Variants in TRIM67 observed in about 807,000 individuals in gnomAD.
The protein encoded by TRIM67 is tripartite motif containing 67, also known as tripartite motif-containing protein 67.
In TRIM67, 39 loss-of-function variants were observed where a neutral mutation model predicts 71.0. That is an observed-to-expected ratio of 0.55 (90% CI 0.43 to 0.72). The LOEUF (loss-of-function observed/expected upper bound fraction) is 0.72. Among genes scored for constraint, TRIM67 ranks in the 30% least tolerant of loss-of-function variants. TRIM67 has a pLI of 0.00. For missense variants in TRIM67, 973 were observed against 1,079.2 expected (o/e 0.90, Z 1.38); for synonymous variants, 481 against 473.9 (o/e 1.01, Z -0.19).
intron 1 of TRIM67, among the ~76,000 whole-genome samples, chr1:231,169,991 C>CTTTTTTTTTTTTTTTTTTTTTTTTTTT (rs1342320930): frequency 1.5e-5 from 2 of 130,178 alleles, no homozygotes; most frequent in Non-Finnish European, 1.5e-5. Context: ...TTTTCTTTCT[C>CTTTTTTTTTTTTTTTTTTTTTTTTTTT]TCTTTTTTTT....
At chr1:231,201,676 G>T (rs1683529151) in intron 5 of TRIM67, among the ~76,000 whole-genome samples, 159 bp downstream of exon 5, 1 of 152,234 alleles carries the variant, frequency 6.6e-6, no homozygotes, top group Non-Finnish European at 1.5e-5. Context: ...TCAAGTCCCA[G>T]CTCAGCCCCT....
intron 1 of TRIM67, among the ~76,000 whole-genome samples, chr1:231,179,008 A>G (rs1558293556): frequency 1.3e-5 from 2 of 152,210 alleles, no homozygotes; most frequent in Non-Finnish European, 2.9e-5. Flanking sequence ...TATATATGTA[A>G]GGGTATGTAT....
At chr1:231,195,403 T>C (rs1207533440) in intron 1 of TRIM67, among the ~76,000 whole-genome samples, 1 of 152,218 alleles carries the variant, frequency 6.6e-6, no homozygotes, top group East Asian at 1.9e-4. Flanking sequence ...GCTTCTGCCA[T>C]CACTGTATAT....
intron 1 of TRIM67, chr1:231,184,862 C>T (rs1411826164): frequency 2.4e-5 from 16 of 674,466 alleles, no homozygotes; most frequent in Non-Finnish European, 4.0e-5. Context: ...CCAATTCACA[C>T]GTGAGGACAC....
At position 231,218,117 on chromosome 1, in the gene TRIM67, G is replaced by T. The variant is rs1409660203; in HGVS notation, c.*2677G>T. 3 of 1,046,772 alleles carry T rather than the reference G, an allele frequency of 2.9e-6. No homozygotes were observed. The South Asian group carries it at 9.8e-5, about 34-fold the overall frequency. 64.8% of individuals were successfully genotyped at this position (1,046,772 alleles called of 1,614,324 possible). ...AACGACAGGTCCGTGCCACACACTT[G>T]TGTTTTTGAGGGATCAGAAAAGTGA... On this transcript the variant is annotated 3_prime_UTR_variant, in exon 10 of 10. Transcript: ENST00000366653.
intron 1 of TRIM67, among the ~76,000 whole-genome samples, chr1:231,174,308 G>A (rs1283680247): frequency 6.6e-6 from 1 of 151,284 alleles, no homozygotes; most frequent in Non-Finnish European, 1.5e-5. Flanking sequence ...AGAGGCACAT[G>A]CCATCATGCC....
At position 231,200,219 on chromosome 1, in the gene TRIM67, G is replaced by A. The variant is rs199625607; in HGVS notation, c.1335G>A (p.Leu445=). The change falls in exon 4 of 10, where the codon CTG becomes CTA. Residue 445 remains leucine, a synonymous_variant. Transcript: ENST00000366653. ...RQSTGLMEYC[L]EVIKENDPSG... is the part of the protein sequence containing the mutation. ...CCACCGGACTGATGGAGTACTGCCT[G>A]GAGGTGATCAAGGAGAACGACCCCT... is the stretch of plus-strand genomic sequence containing the variant. 6.4e-5 allele frequency: 103 copies of A among 1,613,942 alleles called. No homozygotes were observed. The highest frequency in any genetic ancestry group is 8.3e-5 in the Non-Finnish European group (98 of 1,179,826).
At chr1:231,168,254 G>A (rs1682532818) in intron 1 of TRIM67, among the ~76,000 whole-genome samples, 2 of 152,210 alleles carry the variant, frequency 1.3e-5, no homozygotes, top group Admixed American at 6.5e-5. Context: ...GCCTGTAGGC[G>A]TGAGCGACTG....
Position 231,219,035 on chromosome 1 carries a change from G to A in TRIM67, c.*3595G>A, listed in dbSNP as rs1283834612. 5.1e-6 allele frequency: 5 copies of A among 985,512 alleles called. No homozygotes were observed. In the Admixed American group the frequency reaches 3.1e-4, roughly 60 times the overall value. 61.0% of individuals were successfully genotyped at this position (985,512 alleles called of 1,614,324 possible). On this transcript the variant is annotated 3_prime_UTR_variant, in exon 10 of 10. Transcript: ENST00000366653. ...GGGAAGGCGGGTTTCGGCACCGGTG[G>A]GCAGGTGGTTCAGTGTCAAGGAGGC...
At chr1:231,186,184 C>T in intron 1 of TRIM67, 1 of 1,529,030 alleles carries the variant, frequency 6.5e-7, no homozygotes, top group South Asian at 1.2e-5. Context: ...CTGCATGAAT[C>T]ACAGCAGTGG....
rs1335106714 is a variant in TRIM67, at chr1:231,204,297, A to T, written c.1680+285A>T. On this transcript the variant is annotated intron_variant, in intron 6 of 9. Transcript: ENST00000366653. Reference sequence around the variant, plus strand: ...CCCCCAGCCCCTCACACAGCAACACATTCCCTCAACGGGTTTTGTCACACC... The same window carrying T: ...CCCCCAGCCCCTCACACAGCAACACTTTCCCTCAACGGGTTTTGTCACACC... Among the ~76,000 whole-genome samples, 8 of 152,214 alleles carry T rather than the reference A, an allele frequency of 5.3e-5. No individual in the cohort carries two copies. In the East Asian group the frequency reaches 1.5e-3, roughly 29 times the overall value.
chr1:231,212,275 T>A (rs915868459), intron 8 of TRIM67, among the ~76,000 whole-genome samples: 2 of 152,160 alleles, frequency 1.3e-5, no homozygotes, highest in Non-Finnish European at 1.5e-5. Flanking sequence ...AGATATAAGG[T>A]CTATGCCGGA....
chr1:231,192,422 C>T (rs1558299508), intron 1 of TRIM67, among the ~76,000 whole-genome samples: 3 of 152,148 alleles, frequency 2.0e-5, no homozygotes, highest in African/African-American at 7.2e-5. Flanking sequence ...TCAAGCAATC[C>T]TCCCACCCCG....
chr1:231,181,452 C>T (rs1558294520), intron 1 of TRIM67, among the ~76,000 whole-genome samples: 1 of 152,234 alleles, frequency 6.6e-6, no homozygotes. Flanking sequence ...TGGTTGGAAG[C>T]TTCCAAGTTG....
intron 5 of TRIM67, among the ~76,000 whole-genome samples, chr1:231,201,869 C>T (rs1571895694): frequency 6.6e-6 from 1 of 152,368 alleles, no homozygotes; most frequent in Non-Finnish European, 1.5e-5. Flanking sequence ...TACCAACTCA[C>T]AAGATTGGGC....
At chr1:231,183,200 T>G (rs1682955061) in intron 1 of TRIM67, among the ~76,000 whole-genome samples, 1 of 152,206 alleles carries the variant, frequency 6.6e-6, no homozygotes, top group African/African-American at 2.4e-5. Context: ...AATTATAGCA[T>G]AGCTGTCTTT....
In TRIM67 at chr1:231,218,160, T is replaced by A; in HGVS notation, c.*2720T>A. Reference sequence around the variant, plus strand: ...AAAAGTGAAGAAGGAACTTATCAATTCCTCATGGCCAGGAAGGTCCCGGGT... The same window carrying A: ...AAAAGTGAAGAAGGAACTTATCAATACCTCATGGCCAGGAAGGTCCCGGGT... On this transcript the variant is annotated 3_prime_UTR_variant, in exon 10 of 10. Coordinates refer to ENST00000366653, the MANE Select transcript of TRIM67 (RefSeq NM_001004342.5). The A allele has an allele frequency of 1.9e-6, 2 of 1,035,720 alleles. No homozygotes were observed. Among genetic ancestry groups the A allele is most frequent in the Non-Finnish European group, 2.3e-6 (2 of 858,412 alleles). 64.2% of individuals were successfully genotyped at this position (1,035,720 alleles called of 1,614,324 possible). A position where few individuals can be genotyped will look rare whatever the true frequency, so the allele number is the denominator to read the frequency against.
chr1:231,163,514 T>C lies in TRIM67; in HGVS notation c.545T>C (p.Leu182Pro), dbSNP rs1682355925. ...GLRGFQRNRL[L>P]EAIVQRYQQG... ...CGCGGCTTCCAGCGCAACCGGCTGC[T>C]CGAGGCCATCGTGCAGCGGTACCAG... The change falls in exon 1 of 10, where the codon CTC becomes CCC. Residue 182 changes from leucine to proline, a missense_variant. By Grantham distance (98) the Leu-to-Pro change is moderately conservative. Coordinates refer to ENST00000366653, the MANE Select transcript of TRIM67 (RefSeq NM_001004342.5). 1 of 1,517,156 alleles carries C rather than the reference T, an allele frequency of 6.6e-7. No homozygotes were observed. Among genetic ancestry groups the C allele is most frequent in the Non-Finnish European group, 8.8e-7 (1 of 1,138,566 alleles). The allele number at this position is 1,517,156 out of a possible 1,614,324, so 94.0% of individuals were successfully genotyped here. A position where few individuals can be genotyped will look rare whatever the true frequency, so the allele number is the denominator to read the frequency against.
chr1:231,218,444 G>T lies in TRIM67; in HGVS notation c.*3004G>T. 1 of 985,538 alleles carries T rather than the reference G, an allele frequency of 1.0e-6. No homozygotes were observed. 61.0% of individuals were successfully genotyped at this position (985,538 alleles called of 1,614,324 possible). ...TAATGTGGTTCTGCAGTTGTTCTTTGCTAGTGAGCAAGCTTGGTCAAAGTG... is the reference window on the plus strand; with the variant it reads ...TAATGTGGTTCTGCAGTTGTTCTTTTCTAGTGAGCAAGCTTGGTCAAAGTG... On this transcript the variant is annotated 3_prime_UTR_variant, in exon 10 of 10. Coordinates refer to ENST00000366653, the MANE Select transcript of TRIM67 (RefSeq NM_001004342.5).
Sources: allele counts gnomAD v4.1 joint callset (sites outside exome capture counted in the v4.1 genomes callset), GRCh38; gene constraint gnomAD v4.1.1; transcripts MANE v1.5; gene names NCBI Gene and HGNC (gene_info 2026-07-23, HGNC 2026-07-21).